SPAG16: variants seen among roughly 807,000 people sequenced by gnomAD.
The protein encoded by SPAG16 is sperm-associated antigen 16 protein.
A neutral mutation model predicts 80.4 loss-of-function variants in SPAG16; 86 were observed. That is an observed-to-expected ratio of 1.07 (90% CI 0.90 to 1.28). SPAG16 has a LOEUF of 1.28. Ranked by LOEUF, SPAG16 falls within the 50% of genes most tolerant of loss-of-function variation. The pLI, the probability that SPAG16 is intolerant of heterozygous loss-of-function variation, is 0.00. For missense variants in SPAG16, 870 were observed against 765.3 expected, an observed-to-expected ratio of 1.14 and a Z score of -1.61; for synonymous variants, 294 against 265.9, an observed-to-expected ratio of 1.11 and a Z score of -1.03.
At chr2:213,538,516 T>G (rs2076323687) in intron 10 of SPAG16, among the ~76,000 whole-genome samples, 1 of 152,166 alleles carries the variant, frequency 6.6e-6, no homozygotes, top group Non-Finnish European at 1.5e-5. Context: ...AAAAATAAAA[T>G]TCACTGATTC....
chr2:214,073,232 CTT>C lies in SPAG16; in HGVS notation c.1528-34952_1528-34951del, dbSNP rs67988930. 4.0e-4 allele frequency among the ~76,000 whole-genome samples: 57 copies of C among 141,036 alleles called. 1 individual carries two copies. Among genetic ancestry groups the C allele is most frequent in the Non-Finnish European group, 5.6e-4 (36 of 64,464 alleles). The allele number at this position is 141,036 out of a possible 152,430, so 92.5% of individuals were successfully genotyped here. ...AAAATATTATTGGTGGAAATTTTTTCTTTTTTTTTTTTTCTTTTTTTTTGAGA... is the reference window on the plus strand; with the variant it reads ...AAAATATTATTGGTGGAAATTTTTTCTTTTTTTTTTTCTTTTTTTTTGAGA... On this transcript the variant is annotated intron_variant, in intron 13 of 15. Transcript: ENST00000331683.
intron 15 of SPAG16, among the ~76,000 whole-genome samples, chr2:214,228,514 A>G (rs952588829): frequency 6.6e-6 from 1 of 151,884 alleles, no homozygotes; most frequent in Non-Finnish European, 1.5e-5. Context: ...GGATCATACT[A>G]TCAATAGGAG....
intron 9 of SPAG16, among the ~76,000 whole-genome samples, chr2:213,418,548 T>A (rs183452616): frequency 1.9e-4 from 29 of 152,352 alleles, no homozygotes; most frequent in African/African-American, 6.7e-4. Flanking sequence ...GACTTCCTAT[T>A]TTTCTCTACT....
chr2:213,384,144 T>A (rs766622621), intron 9 of SPAG16, among the ~76,000 whole-genome samples: 23 of 152,192 alleles, frequency 1.5e-4, no homozygotes, highest in Admixed American at 2.6e-4. Context: ...GGAAATATGA[T>A]GAGAACATCC....
chr2:214,282,197 A>G (rs946149956), intron 15 of SPAG16, among the ~76,000 whole-genome samples: 1 of 152,200 alleles, frequency 6.6e-6, no homozygotes, highest in Non-Finnish European at 1.5e-5. Context: ...ATATGAATAA[A>G]GCACGTTTTA....
intron 10 of SPAG16, among the ~76,000 whole-genome samples, chr2:213,729,069 A>G (rs1223154657): frequency 6.6e-6 from 1 of 152,090 alleles, no homozygotes; most frequent in Non-Finnish European, 1.5e-5. Flanking sequence ...GAAGTAAAAT[A>G]CGATTAGGAA....
chr2:213,546,007 C>G (rs2076600532), intron 10 of SPAG16, among the ~76,000 whole-genome samples: 1 of 151,980 alleles, frequency 6.6e-6, no homozygotes, highest in Non-Finnish European at 1.5e-5. Flanking sequence ...CTCTTTTTGT[C>G]TTTAGTTGGG....
Position 213,755,388 on chromosome 2 carries a change from A to G in SPAG16, c.1071-107097A>G, listed in dbSNP as rs372696530. The stretch of plus-strand genomic sequence containing the variant: ...GTCATAGGTGTCTGTGTAATGGAAT[A>G]TGAAAAACATTGTTTATTAAAAAAA... On this transcript the variant is annotated intron_variant, in intron 10 of 15. Coordinates refer to ENST00000331683, the MANE Select transcript of SPAG16 (RefSeq NM_024532.5). Among the ~76,000 whole-genome samples, 7 of 152,314 alleles carry G rather than the reference A, an allele frequency of 4.6e-5. No homozygotes were observed. The South Asian group carries it at 1.0e-3, about 23-fold the overall frequency.
At chr2:213,549,135 A>G (rs1052675046) in intron 10 of SPAG16, among the ~76,000 whole-genome samples, 1 of 152,036 alleles carries the variant, frequency 6.6e-6, no homozygotes, top group Non-Finnish European at 1.5e-5. Flanking sequence ...AATATGACCA[A>G]TTTTGTTTGT....
At chr2:213,368,388 A>C (rs143851150) in intron 8 of SPAG16, among the ~76,000 whole-genome samples, 67 of 152,312 alleles carry the variant, frequency 4.4e-4, no homozygotes, top group Non-Finnish European at 5.0e-4. Flanking sequence ...AAAACTCTCA[A>C]AAATTCGTTA....
intron 15 of SPAG16, among the ~76,000 whole-genome samples, chr2:214,186,193 C>T (rs1243460280): frequency 6.6e-6 from 1 of 152,120 alleles, no homozygotes; most frequent in African/African-American, 2.4e-5. Context: ...ACCACATTGT[C>T]TTCCACCACA....
At chr2:213,858,107 C>G (rs1028823138) in intron 10 of SPAG16, among the ~76,000 whole-genome samples, 1 of 152,126 alleles carries the variant, frequency 6.6e-6, no homozygotes, top group African/African-American at 2.4e-5. Context: ...GGTGAAGATG[C>G]TGTGAACATT....
chr2:213,867,543 A>C (rs1259699847), intron 11 of SPAG16, among the ~76,000 whole-genome samples: 1 of 152,160 alleles, frequency 6.6e-6, no homozygotes, highest in Non-Finnish European at 1.5e-5. Context: ...TATCTGAAAA[A>C]CACAAATACG....
At chr2:213,776,541 C>G (rs2069585743) in intron 10 of SPAG16, among the ~76,000 whole-genome samples, 1 of 152,116 alleles carries the variant, frequency 6.6e-6, no homozygotes, top group South Asian at 2.1e-4. Flanking sequence ...TAATTTGCTA[C>G]AGCAGCAATA....
chr2:214,111,216 C>T (rs1259794522), intron 14 of SPAG16, among the ~76,000 whole-genome samples: 1 of 152,106 alleles, frequency 6.6e-6, no homozygotes, highest in South Asian at 2.1e-4. Flanking sequence ...ATACCTATGT[C>T]CTGAATGGTA....
At chr2:213,578,608 G>T (rs1474781427) in intron 10 of SPAG16, among the ~76,000 whole-genome samples, 1 of 152,022 alleles carries the variant, frequency 6.6e-6, no homozygotes, top group Non-Finnish European at 1.5e-5. Context: ...AATTGAAAAT[G>T]CTACTTGAAT....
rs1425279702 is a variant in SPAG16, at chr2:213,505,283, AAATTT to A, written c.1070+15195_1070+15199del. On this transcript the variant is annotated intron_variant, in intron 10 of 15. Coordinates refer to ENST00000331683, the MANE Select transcript of SPAG16 (RefSeq NM_024532.5). The stretch of plus-strand genomic sequence containing the variant: ...AAAACTACTAGCTGCAGTTGAAATG[AAATTT>A]ATATGTGGACACAATTTTTTTTTAC... Among the ~76,000 whole-genome samples the A allele has an allele frequency of 2.6e-5, 4 of 152,178 alleles. 1 individual carries two copies.
chr2:214,185,823 C>T (rs563995590), intron 15 of SPAG16, among the ~76,000 whole-genome samples: 1 of 152,210 alleles, frequency 6.6e-6, no homozygotes, highest in Non-Finnish European at 1.5e-5. Flanking sequence ...TCCAAAGCAG[C>T]CCCACAATAC....
chr2:213,605,712 A>G (rs1021868022), intron 10 of SPAG16, among the ~76,000 whole-genome samples: 1 of 152,074 alleles, frequency 6.6e-6, no homozygotes, highest in African/African-American at 2.4e-5. Context: ...GATGGTCTGC[A>G]TCTCCTGACT....
Sources: gnomAD v4.1 joint callset for allele counts (sites outside exome capture counted in the v4.1 genomes callset) on GRCh38, gnomAD v4.1.1 for gene constraint, MANE v1.5 for transcripts, NCBI Gene and HGNC (gene_info 2026-07-23, HGNC 2026-07-21) for gene names.